GYS2: variants seen among roughly 807,000 people sequenced by gnomAD.
The protein encoded by GYS2 is glycogen [starch] synthase, liver.
GYS2 carries 80 observed loss-of-function variants against 85.6 expected under a neutral mutation model. The observed-to-expected ratio is 0.93, with a 90% CI of 0.78 to 1.13. The LOEUF (loss-of-function observed/expected upper bound fraction) is 1.13. Among genes scored for constraint, GYS2 ranks in the 50% most tolerant of loss-of-function variants. The probability of loss-of-function intolerance (pLI) is 0.00; values close to 1 mark genes in which losing one functional copy is unlikely to be tolerated. For synonymous variants in GYS2, 328 were observed against 300.7 expected (o/e 1.09, Z -0.94); for missense variants, 881 against 854.9 (o/e 1.03, Z -0.38).
intron 1 of GYS2, among the ~76,000 whole-genome samples, chr12:21,583,764 C>A (rs903573148): frequency 6.6e-6 from 1 of 152,148 alleles, no homozygotes; most frequent in Admixed American, 6.5e-5. Flanking sequence ...ACCTGAACTG[C>A]CTATCATGAA....
chr12:21,586,810 A>G (rs1288892996), intron 1 of GYS2, among the ~76,000 whole-genome samples: 1 of 152,200 alleles, frequency 6.6e-6, no homozygotes, highest in Admixed American at 6.5e-5. Flanking sequence ...CAATCCTGCA[A>G]TCCCACTACT....
At chr12:21,582,104 A>G (rs1405230564) in intron 1 of GYS2, among the ~76,000 whole-genome samples, 1 of 152,234 alleles carries the variant, frequency 6.6e-6, no homozygotes, top group African/African-American at 2.4e-5. Context: ...TATGAATGCA[A>G]CAAAAGGCTA....
At chr12:21,542,633 C>T (rs139992984) in intron 12 of GYS2, 42 bp from the exon 13 acceptor site, 1 of 1,343,062 alleles carries the variant, frequency 7.4e-7, no homozygotes, top group African/African-American at 1.4e-5. Context: ...CAGACCAGCG[C>T]CTATATCCTT....
Position 21,537,146 on chromosome 12 carries a change from G to A in GYS2, c.1920C>T (p.Ser640=). 9 of 1,613,718 alleles carry A rather than the reference G, an allele frequency of 5.6e-6. No homozygotes were observed. Among genetic ancestry groups the A allele is most frequent in the Non-Finnish European group, 6.8e-6 (8 of 1,179,718 alleles). The part of the protein sequence containing the change: ...TTEGFKYPRP[S]SVPPSPSGSQ... The stretch of plus-strand genomic sequence containing the variant: ...ACCCTGAAGGAGAAGGTGGTACTGA[G>A]GAAGGCCTGGGATATTTAAATCCTT... Residue 640 remains serine (S), a synonymous_variant, in exon 16 of 16, where the codon TCC becomes TCT. Coordinates refer to ENST00000261195, the MANE Select transcript of GYS2 (RefSeq NM_021957.4).
At position 21,536,921 on chromosome 12, in the gene GYS2, T is replaced by TA. The variant is rs1943916346; in HGVS notation, c.*32_*33insT. On this transcript the variant is annotated 3_prime_UTR_variant, in exon 16 of 16. Transcript: ENST00000261195. ...AAATAATTAGTCTTACTTTGCTTTT[T>TA]TAAATTAGCTCTTCATGCAGCACAT... 1.4e-6 allele frequency: 2 copies of TA among 1,477,106 alleles called. No individual in the cohort carries two copies. The highest frequency in any genetic ancestry group is 2.3e-5 in the South Asian group (2 of 88,338). The allele number at this position is 1,477,106 out of a possible 1,614,324, so 91.5% of individuals were successfully genotyped here. A position where few individuals can be genotyped will look rare whatever the true frequency, so the allele number is the denominator to read the frequency against.
At chr12:21,561,389 G>A (rs1944251084) in intron 7 of GYS2, among the ~76,000 whole-genome samples, 1 of 152,162 alleles carries the variant, frequency 6.6e-6, no homozygotes, top group Non-Finnish European at 1.5e-5. Context: ...AGAGTGTGGG[G>A]CACTTTACCG....
chr12:21,548,946 T>C (rs1944074125), intron 11 of GYS2, among the ~76,000 whole-genome samples: 2 of 152,082 alleles, frequency 1.3e-5, no homozygotes, highest in South Asian at 4.1e-4. Flanking sequence ...CAGTGAGAGT[T>C]TTCATAGAAT....
rs146432358 is a variant in GYS2, at chr12:21,600,182, C to T, written c.121+4290G>A. ...TCACCCCGGCTGGAGTGCAATGGTG[C>T]AATCTTGCTCACTGAAGCCTCACTA... On this transcript the variant is annotated intron_variant, in intron 1 of 15. Coordinates refer to ENST00000261195, the MANE Select transcript of GYS2 (RefSeq NM_021957.4). Among the ~76,000 whole-genome samples, 512 of 152,214 alleles carry T rather than the reference C, an allele frequency of 3.4e-3. 4 individuals carry two copies. Among genetic ancestry groups the T allele is most frequent in the Non-Finnish European group, 5.6e-3 (382 of 67,982 alleles).
chr12:21,554,455 A>C (rs1944153351), intron 11 of GYS2, among the ~76,000 whole-genome samples: 1 of 152,122 alleles, frequency 6.6e-6, no homozygotes, highest in African/African-American at 2.4e-5. Context: ...CGCATATCTA[A>C]TCTCACCTTG....
At chr12:21,582,207 A>T (rs1315099928) in intron 1 of GYS2, among the ~76,000 whole-genome samples, 1 of 152,196 alleles carries the variant, frequency 6.6e-6, no homozygotes, top group African/African-American at 2.4e-5. Context: ...ACTTGATTGG[A>T]CTGAAGGATG....
At chr12:21,592,299 T>C (rs1277821540) in intron 1 of GYS2, among the ~76,000 whole-genome samples, 1 of 151,546 alleles carries the variant, frequency 6.6e-6, no homozygotes, top group African/African-American at 2.4e-5. Flanking sequence ...ATGTCAATAA[T>C]AGCCTTGCAT....
chr12:21,584,960 C>G (rs769654637), intron 1 of GYS2, among the ~76,000 whole-genome samples: 2 of 152,102 alleles, frequency 1.3e-5, no homozygotes, highest in Non-Finnish European at 2.9e-5. Flanking sequence ...TTTTGAATGG[C>G]CTTTTGAAGT....
At chr12:21,539,123 T>G in intron 15 of GYS2, 135 bp downstream of exon 15, 1 of 644,302 alleles carries the variant, frequency 1.6e-6, no homozygotes, top group Non-Finnish European at 2.7e-6. Flanking sequence ...AGTTCCTCTC[T>G]CTCTCCTTTG....
In GYS2 at chr12:21,580,322, T is replaced by A; in HGVS notation, c.303+20A>T. The A allele has an allele frequency of 6.2e-7, 1 of 1,603,302 alleles. No homozygotes were observed. Among genetic ancestry groups the A allele is most frequent in the Admixed American group, 1.7e-5 (1 of 59,998 alleles). ...CATAAGTTTACTGAGAATTGCCAAG[T>A]GAAGTGTCAGTTCCTTTACCTGGCA... On this transcript the variant is annotated intron_variant, in intron 2 of 15. Coordinates refer to ENST00000261195, the MANE Select transcript of GYS2 (RefSeq NM_021957.4).
intron 1 of GYS2, among the ~76,000 whole-genome samples, chr12:21,584,387 G>T (rs1355944989): frequency 1.8e-5 from 1 of 54,540 alleles, no homozygotes; most frequent in Admixed American, 1.4e-4. Flanking sequence ...CTCACCAATG[G>T]GTGACCTCAG....
chr12:21,597,817 G>A (rs1018451368), intron 1 of GYS2, among the ~76,000 whole-genome samples: 2 of 152,066 alleles, frequency 1.3e-5, no homozygotes, highest in Non-Finnish European at 2.9e-5. Context: ...ATCAATGGAT[G>A]AATGAAGAAA....
intron 11 of GYS2, among the ~76,000 whole-genome samples, chr12:21,548,646 A>T (rs1944070452): frequency 2.0e-5 from 3 of 152,118 alleles, no homozygotes; most frequent in Admixed American, 2.0e-4. Context: ...TTCTGGGCCC[A>T]CACTGGAAAC....
At chr12:21,562,773 T>C (rs1275074583) in intron 7 of GYS2, 145 bp downstream of exon 7, 5 of 814,998 alleles carry the variant, frequency 6.1e-6, no homozygotes, top group Non-Finnish European at 1.0e-5. Flanking sequence ...CTCCAATATG[T>C]AAATTGAAAG....
At chr12:21,591,576 A>C (rs941516029) in intron 1 of GYS2, among the ~76,000 whole-genome samples, 1 of 152,210 alleles carries the variant, frequency 6.6e-6, no homozygotes, top group Non-Finnish European at 1.5e-5. Context: ...CCTACGTAAC[A>C]ACACAATAGC....
Sources: allele counts gnomAD v4.1 joint callset (sites outside exome capture counted in the v4.1 genomes callset), GRCh38; gene constraint gnomAD v4.1.1; transcripts MANE v1.5; gene names NCBI Gene and HGNC (gene_info 2026-07-23, HGNC 2026-07-21).